The following ALDH5A1 variants were observed in gnomAD, a reference collection of about 807,000 sequenced individuals.
ALDH5A1 encodes the protein succinate-semialdehyde dehydrogenase, mitochondrial.
Under a neutral mutation model 54.7 loss-of-function variants are expected in ALDH5A1, and 33 were observed. The observed-to-expected ratio is 0.60, with a 90% confidence interval of 0.46 to 0.81. The LOEUF (loss-of-function observed/expected upper bound fraction) is 0.81. ALDH5A1 is among the 30% of genes least tolerant of loss of function. The pLI, the probability that ALDH5A1 is intolerant of heterozygous loss-of-function variation, is 0.00. For missense variants in ALDH5A1, 657 were observed against 711.0 expected, an observed-to-expected ratio of 0.92 and a Z score of 0.86; for synonymous variants, 294 against 292.7, an observed-to-expected ratio of 1.00 and a Z score of -0.05.
At chr6:24,520,633 AGTGTGTGTGTGTGTGC>A (rs1664376051) in intron 6 of ALDH5A1, 89 bp downstream of exon 6, 6 of 1,494,652 alleles carry the variant, frequency 4.0e-6, no homozygotes, top group Non-Finnish European at 3.6e-6. Context: ...TGTGCATGTG[AGTGTGTGTGTGTGTGC>A]GTGTGTGTGT....
In ALDH5A1 at chr6:24,528,174, C is replaced by A. The variant is rs775916984; in HGVS notation, c.1343+8C>A. The A allele has an allele frequency of 3.7e-6, 6 of 1,613,508 alleles. No individual in the cohort carries two copies. In the African/African-American group the frequency reaches 6.7e-5, roughly 18 times the overall value. ...TCTGGCACCAGTTATCAAGTAAGATCCTCCAGCCAGCGGGGAGATGGGAGG... is the reference window on the plus strand; with the variant it reads ...TCTGGCACCAGTTATCAAGTAAGATACTCCAGCCAGCGGGGAGATGGGAGG... On this transcript the variant is annotated splice_region_variant and intron_variant, in intron 8 of 9. Transcript: ENST00000357578.
intron 1 of ALDH5A1, 70 bp downstream of exon 1, chr6:24,495,420 C>G (rs895798132): frequency 2.9e-5 from 41 of 1,438,228 alleles, no homozygotes; most frequent in Middle Eastern, 2.4e-4. Context: ...GGGCTTTACC[C>G]CAAAGTGACA....
intron 5 of ALDH5A1, among the ~76,000 whole-genome samples, chr6:24,516,503 GA>G (rs1759576778): frequency 1.3e-5 from 2 of 148,426 alleles, no homozygotes; most frequent in Non-Finnish European, 3.0e-5. Flanking sequence ...GTCCAAAAGA[GA>G]AAAAATCAAG....
intron 8 of ALDH5A1, among the ~76,000 whole-genome samples, chr6:24,531,673 G>A (rs554477951): frequency 6.6e-6 from 1 of 152,256 alleles, no homozygotes; most frequent in Non-Finnish European, 1.5e-5. Context: ...TCCAAGCATC[G>A]TGCCATTGTT....
chr6:24,531,479 G>A (rs147321752), intron 8 of ALDH5A1, among the ~76,000 whole-genome samples: 1 of 152,366 alleles, frequency 6.6e-6, no homozygotes, highest in East Asian at 1.9e-4. Context: ...CAGAGAGACA[G>A]CTGGTTCCAA....
intron 9 of ALDH5A1, 116 bp downstream of exon 9, chr6:24,532,293 G>A (rs1405198997): frequency 3.9e-6 from 4 of 1,034,710 alleles, no homozygotes; most frequent in Admixed American, 1.9e-5. Context: ...TGAGGTATGT[G>A]TTTTGTTGCT....
At chr6:24,513,622 G>A (rs111957734) in intron 4 of ALDH5A1, among the ~76,000 whole-genome samples, 66 of 144,588 alleles carry the variant, frequency 4.6e-4, no homozygotes, top group East Asian at 1.6e-3. Context: ...CCCAGGGGCT[G>A]GACTCTCCAT....
intron 4 of ALDH5A1, among the ~76,000 whole-genome samples, chr6:24,514,566 C>T (rs570435963): frequency 2.0e-5 from 3 of 152,006 alleles, no homozygotes; most frequent in Admixed American, 6.6e-5. Context: ...TGGTGAAAAC[C>T]GTCTCTACTA....
At chr6:24,527,308 T>C (rs1759833396) in intron 7 of ALDH5A1, among the ~76,000 whole-genome samples, 1 of 152,108 alleles carries the variant, frequency 6.6e-6, no homozygotes, top group Non-Finnish European at 1.5e-5. Context: ...GCCTCGTGGC[T>C]CACTCCTGTA....
rs775059292 is a variant in ALDH5A1 at position 24,522,943 on chromosome 6, T to C, written c.1173+18T>C. 1.9e-5 allele frequency: 31 copies of C among 1,612,306 alleles called. No homozygotes were observed. Among genetic ancestry groups the C allele is most frequent in the East Asian group, 2.2e-5 (1 of 44,824 alleles). ...TAGAAAAGGTAAGTATATTGTATTA[T>C]TTGTGAAAGTAAATTTCATGGTTTC... is the stretch of plus-strand genomic sequence containing the variant. On this transcript the variant is annotated intron_variant, in intron 7 of 9. Coordinates refer to ENST00000357578, the MANE Select transcript of ALDH5A1 (RefSeq NM_001080.3).
intron 8 of ALDH5A1, among the ~76,000 whole-genome samples, chr6:24,529,216 G>C (rs1460839359): frequency 6.6e-6 from 1 of 151,780 alleles, no homozygotes; most frequent in East Asian, 1.9e-4. Context: ...ATCCAGGCTG[G>C]AGTGCAGTGG....
At chr6:24,515,391 T>C in intron 5 of ALDH5A1, 81 bp downstream of exon 5, 1 of 1,510,518 alleles carries the variant, frequency 6.6e-7, no homozygotes. Context: ...TATTTCATCC[T>C]GATCACCAAT....
chr6:24,524,961 AT>A (rs1276088908), intron 7 of ALDH5A1, among the ~76,000 whole-genome samples: 1 of 152,094 alleles, frequency 6.6e-6, no homozygotes, highest in Non-Finnish European at 1.5e-5. Context: ...TGTCTTGAAG[AT>A]TTTTTTCCCC....
chr6:24,529,388 A>G (rs1438343115), intron 8 of ALDH5A1, among the ~76,000 whole-genome samples: 1 of 151,914 alleles, frequency 6.6e-6, no homozygotes, highest in East Asian at 2.0e-4. Context: ...GCTGGCCTCA[A>G]ACTCCTTACC....
chr6:24,504,377 A>G (rs1162869794), intron 3 of ALDH5A1, among the ~76,000 whole-genome samples: 1 of 152,254 alleles, frequency 6.6e-6, no homozygotes, highest in Non-Finnish European at 1.5e-5. Flanking sequence ...AAGGAATAAT[A>G]AATCATCTGC....
intron 5 of ALDH5A1, among the ~76,000 whole-genome samples, chr6:24,515,902 A>AT (rs1403661494): frequency 6.6e-6 from 1 of 152,030 alleles, no homozygotes; most frequent in African/African-American, 2.4e-5. Flanking sequence ...TCTCCACTGT[A>AT]TTTTTTTCAA....
intron 4 of ALDH5A1, chr6:24,511,695 C>CTAT (rs1759464075): frequency 2.5e-6 from 1 of 393,436 alleles, no homozygotes; most frequent in African/African-American, 2.1e-5. Context: ...TTTATGCTAT[C>CTAT]TATTTCATTG....
Position 24,534,699 on chromosome 6 carries a change from C to T in ALDH5A1, c.*987C>T, listed in dbSNP as rs896881537. 1 of 152,384 alleles carries T rather than the reference C, an allele frequency of 6.6e-6. No individual in the cohort carries two copies. Among genetic ancestry groups the T allele is most frequent in the African/African-American group, 2.4e-5 (1 of 41,476 alleles). The allele number at this position is 152,384 out of a possible 1,614,324, so 9.4% of individuals were successfully genotyped here. On this transcript the variant is annotated 3_prime_UTR_variant, in exon 10 of 10. Coordinates refer to ENST00000357578, the MANE Select transcript of ALDH5A1 (RefSeq NM_001080.3). ...AGCAGCACCGCCCAGCCCTTCCTTG[C>T]CTACTGTCAGTGGCTTTGCCAAGAT...
Position 24,503,384 on chromosome 6 carries a change from G to A in ALDH5A1, c.560G>A (p.Arg187Gln), listed in dbSNP as rs755160772. 20 of 1,613,844 alleles carry A rather than the reference G, an allele frequency of 1.2e-5. No individual in the cohort carries two copies. The highest frequency in any genetic ancestry group is 3.3e-5 in the South Asian group (3 of 91,086). ...DIIHTPAKDR[R>Q]ALVLKQPIGV... ...ATCCACACCCCGGCAAAGGACAGGC[G>A]GGCCCTGGTCCTCAAGCAGCCCATA... Residue 187 changes from arginine to glutamine, a missense_variant, in exon 3 of 10, where the codon CGG becomes CAG. Around this residue, in one of 2 missense-constraint regions of ALDH5A1, gnomAD observed 425 missense variants for 516.4 expected, o/e 0.82. Transcript: ENST00000357578.
Sources: gnomAD v4.1 joint callset for allele counts (sites outside exome capture counted in the v4.1 genomes callset) on GRCh38, gnomAD v4.1.1 for gene constraint, gnomAD v4.1.1 regional missense constraint, MANE v1.5 for transcripts, NCBI Gene and HGNC (gene_info 2026-07-23, HGNC 2026-07-21) for gene names.